Variants in GMEB2 observed in about 807,000 individuals in gnomAD.
GMEB2 encodes the protein glucocorticoid modulatory element-binding protein 2.
GMEB2 carries 7 observed loss-of-function variants against 45.7 expected under a neutral mutation model. The ratio of observed to expected loss-of-function variants is 0.15; its 90% CI spans 0.09 to 0.29. The LOEUF (loss-of-function observed/expected upper bound fraction) is 0.29, where lower values mean the gene tolerates loss of function less well. GMEB2 is among the 10% of genes least tolerant of loss of function. The pLI is 1.00. For missense variants in GMEB2, 582 were observed against 739.2 expected (o/e 0.79, Z 2.47); for synonymous variants, 322 against 323.6 (o/e 1.00, Z 0.05).
intron 9 of GMEB2, among the ~76,000 whole-genome samples, chr20:63,591,093 C>T (rs550651238): frequency 2.8e-4 from 43 of 152,160 alleles, no homozygotes; most frequent in Non-Finnish European, 4.7e-4. Flanking sequence ...ACACACCCAG[C>T]GTGGAAAGTT....
intron 2 of GMEB2, among the ~76,000 whole-genome samples, chr20:63,607,211 T>C (rs1397949727): frequency 2.4e-5 from 3 of 123,624 alleles, no homozygotes; most frequent in Non-Finnish European, 3.4e-5. Context: ...CCCACCTCCA[T>C]TTCTAGAAAC....
intron 5 of GMEB2, among the ~76,000 whole-genome samples, chr20:63,596,039 G>A (rs767176078): frequency 2.6e-5 from 4 of 152,216 alleles, no homozygotes; most frequent in South Asian, 2.1e-4. Context: ...GGAGGTGCCC[G>A]TCAGAGTCTG....
intron 1 of GMEB2, among the ~76,000 whole-genome samples, chr20:63,620,742 G>T (rs901561632): frequency 6.6e-6 from 1 of 151,910 alleles, no homozygotes; most frequent in African/African-American, 2.4e-5. Flanking sequence ...TAACCAGGTC[G>T]ATTTCTTGCT....
In GMEB2 at chr20:63,616,480, T is replaced by C. The variant is rs564331537; in HGVS notation, c.131+2787A>G. Among the ~76,000 whole-genome samples, 17 of 152,146 alleles carry C rather than the reference T, an allele frequency of 1.1e-4. No homozygotes were observed. The South Asian group carries it at 3.3e-3, about 30-fold the overall frequency. On this transcript the variant is annotated intron_variant, in intron 2 of 9. Coordinates refer to ENST00000370077, the MANE Select transcript of GMEB2 (RefSeq NM_012384.5). ...AAAAATAACACACACGTGAATAGGC[T>C]CCTCATGGAAGTCATCACAACAATG...
rs760782608 is a variant in GMEB2 at position 63,592,995 on chromosome 20, A to C, written c.691+16T>G. On this transcript the variant is annotated intron_variant, in intron 7 of 9. Transcript: ENST00000370077. The surrounding 1 kb of genome is among the most constrained non-coding windows in gnomAD (Gnocchi z 8.2). ...CGCCAGGGCTTGTGAGAAGCCCACA[A>C]GGAGGAACCTCGTACCTCCAATGGC... 1.3e-6 allele frequency: 2 copies of C among 1,574,548 alleles called. No individual in the cohort carries two copies. Among genetic ancestry groups the C allele is most frequent in the Non-Finnish European group, 8.7e-7 (1 of 1,147,816 alleles).
chr20:63,612,951 T>C (rs968117371), intron 2 of GMEB2, among the ~76,000 whole-genome samples: 18 of 151,900 alleles, frequency 1.2e-4, no homozygotes. Flanking sequence ...TTGGATGGTT[T>C]CTTTCTTTCT....
chr20:63,591,999 G>C, intron 9 of GMEB2, 23 bp downstream of exon 9: 2 of 1,598,846 alleles, frequency 1.3e-6, no homozygotes, highest in South Asian at 1.1e-5. Flanking sequence ...CCAGGGGACG[G>C]GACGGGGGTG....
Position 63,597,754 on chromosome 20 carries a change from C to A in GMEB2, c.461+3G>T. The A allele has an allele frequency of 6.5e-7, 1 of 1,543,892 alleles. No homozygotes were observed. The highest frequency in any genetic ancestry group is 1.1e-5 in the South Asian group (1 of 89,666). ...GGGAGGCTGACCCTGCGCCAGCGCC[C>A]ACCTGAGCATGATGCCGTTCATGCG... On this transcript the variant is annotated splice_donor_region_variant and intron_variant, in intron 5 of 9. Coordinates refer to ENST00000370077, the MANE Select transcript of GMEB2 (RefSeq NM_012384.5).
At chr20:63,626,158 C>G (rs2089669926) in intron 1 of GMEB2, among the ~76,000 whole-genome samples, 1 of 151,370 alleles carries the variant, frequency 6.6e-6, no homozygotes, top group South Asian at 2.1e-4. Flanking sequence ...CGCCTGTGAG[C>G]CTACAGTGAC....
At chr20:63,610,431 G>C (rs1268129486) in intron 2 of GMEB2, among the ~76,000 whole-genome samples, 2 of 152,180 alleles carry the variant, frequency 1.3e-5, no homozygotes, top group Non-Finnish European at 2.9e-5. Flanking sequence ...TGAGGCAAGA[G>C]AATGGCGTGA....
intron 4 of GMEB2, among the ~76,000 whole-genome samples, chr20:63,601,493 G>A (rs971035396): frequency 2.0e-5 from 3 of 151,010 alleles, no homozygotes; most frequent in African/African-American, 2.4e-5. Flanking sequence ...ATCTCTAGTC[G>A]TGTTTCTGCA....
chr20:63,612,034 C>T (rs547233143), intron 2 of GMEB2, among the ~76,000 whole-genome samples: 1 of 152,300 alleles, frequency 6.6e-6, no homozygotes, highest in East Asian at 1.9e-4. Context: ...CCAGTCTGTG[C>T]AACAGAACGA....
intron 4 of GMEB2, among the ~76,000 whole-genome samples, chr20:63,598,240 A>G (rs1288804286): frequency 6.6e-6 from 1 of 152,130 alleles, no homozygotes; most frequent in Non-Finnish European, 1.5e-5. Context: ...GCAGATGGCA[A>G]CAGATGCCAG....
At chr20:63,610,929 G>A (rs2146082270) in intron 2 of GMEB2, among the ~76,000 whole-genome samples, 1 of 152,332 alleles carries the variant, frequency 6.6e-6, no homozygotes, top group Middle Eastern at 3.4e-3. Context: ...GCACACCCAG[G>A]CAGGTGTCCT....
intron 4 of GMEB2, among the ~76,000 whole-genome samples, chr20:63,601,878 T>TGCCTGTGGCTTCCGTGGG (rs1569052275): frequency 1.4e-4 from 19 of 138,128 alleles, no homozygotes; most frequent in South Asian, 7.2e-4. Flanking sequence ...GCTTCCGTGC[T>TGCCTGTGGCTTCCGTGGG]GCCTGTGGCT....
At position 63,593,053 on chromosome 20, in the gene GMEB2, C is replaced by G; in HGVS notation, c.649G>C (p.Glu217Gln). 3 of 1,612,348 alleles carry G rather than the reference C, an allele frequency of 1.9e-6. No individual in the cohort carries two copies. Among genetic ancestry groups the G allele is most frequent in the Non-Finnish European group, 2.5e-6 (3 of 1,178,998 alleles). Residue 217 changes from glutamate to glutamine, a missense_variant, in exon 7 of 10, where the codon GAG (glutamate) becomes CAG (glutamine). Around this residue, in one of 3 missense-constraint regions of GMEB2, gnomAD observed 462 missense variants for 586.7 expected, o/e 0.79. Coordinates refer to ENST00000370077, the MANE Select transcript of GMEB2 (RefSeq NM_012384.5). The surrounding 1 kb of genome is among the most constrained non-coding windows in gnomAD (Gnocchi z 4.7). ...VNGSPATITI[E>Q]TCEDPGDWTA... ...CAGTCGCCAGGGTCTTCACAGGTCT[C>G]TATGGTGATGGTCGCAGGAGACCCA...
rs201239578 is a variant in GMEB2 at position 63,590,050 on chromosome 20, C to A, written c.*39G>T. 1.3e-4 allele frequency: 196 copies of A among 1,481,912 alleles called. No homozygotes were observed. In the African/African-American group the frequency reaches 2.6e-3, roughly 20 times the overall value. The allele number at this position is 1,481,912 out of a possible 1,614,324, so 91.8% of individuals were successfully genotyped here. On this transcript the variant is annotated 3_prime_UTR_variant, in exon 10 of 10. Coordinates refer to ENST00000370077, the MANE Select transcript of GMEB2 (RefSeq NM_012384.5). ...CCCTGCTGCCGCGGCTGAGAGACAG[C>A]CAGCCCTGTCCGTCCCAGGGGCCTC...
intron 2 of GMEB2, among the ~76,000 whole-genome samples, chr20:63,615,652 T>C (rs1446330623): frequency 6.6e-6 from 1 of 152,128 alleles, no homozygotes; most frequent in Non-Finnish European, 1.5e-5. Context: ...TAAATTTGAA[T>C]TGAATATTAG....
At chr20:63,606,348 A>ATTTT (rs34155777) in intron 2 of GMEB2, among the ~76,000 whole-genome samples, 3 of 139,642 alleles carry the variant, frequency 2.1e-5, no homozygotes, top group Non-Finnish European at 4.6e-5. Flanking sequence ...ACCACAAACA[A>ATTTT]TTTTTTTTTT....
Sources: gnomAD v4.1 joint callset for allele counts (sites outside exome capture counted in the v4.1 genomes callset) on GRCh38, gnomAD v4.1.1 for gene constraint, gnomAD v4.1.1 regional missense constraint, Gnocchi (gnomAD v3.1) non-coding constraint, MANE v1.5 for transcripts, NCBI Gene and HGNC (gene_info 2026-07-23, HGNC 2026-07-21) for gene names.